The following DYTN variants were observed in gnomAD, a reference collection of about 807,000 sequenced individuals.
DYTN encodes dystrotelin.
Under a neutral mutation model 69.6 loss-of-function variants are expected in DYTN, and 75 were observed. That is an observed-to-expected ratio of 1.08 (90% confidence interval 0.89 to 1.31). The LOEUF (loss-of-function observed/expected upper bound fraction) is 1.31. DYTN is among the 50% of genes most tolerant of loss of function. DYTN has a pLI of 0.00. For synonymous variants in DYTN, 252 were observed against 249.1 expected (o/e 1.01, Z -0.11); for missense variants, 726 against 688.4 (o/e 1.05, Z -0.61).
chr2:206,666,860 TACACACACACACACACACAC>T (rs35200393), intron 9 of DYTN, among the ~76,000 whole-genome samples: 15 of 137,458 alleles, frequency 1.1e-4, no homozygotes, highest in Non-Finnish European at 1.6e-4. Flanking sequence ...ACCTCATCTC[TACACACACACACACACACAC>T]ACACACACAC....
chr2:206,673,582 A>G (rs1219528363), intron 9 of DYTN, among the ~76,000 whole-genome samples: 1 of 152,098 alleles, frequency 6.6e-6, no homozygotes, highest in Non-Finnish European at 1.5e-5. Flanking sequence ...AAAATAACCT[A>G]AGATCTTATG....
chr2:206,695,042 T>G (rs1391421071), intron 7 of DYTN, among the ~76,000 whole-genome samples, 165 bp from the exon 8 acceptor site: 2 of 152,200 alleles, frequency 1.3e-5, no homozygotes, highest in African/African-American at 4.8e-5. Context: ...TAAATGACTC[T>G]AATGCGTTTG....
At position 206,682,399 on chromosome 2, in the gene DYTN, AG is replaced by A. The variant is rs555059631; in HGVS notation, c.980+10775del. On this transcript the variant is annotated intron_variant, in intron 9 of 11. Transcript: ENST00000452335. ...ATTTGACCTAGCAGCAGCATTTGAC[AG>A]TAGAACACCATGCTGTGTCCTTGAA... Among the ~76,000 whole-genome samples, 348 of 152,298 alleles carry A rather than the reference AG, an allele frequency of 2.3e-3. 1 individual carries two copies. Among genetic ancestry groups the A allele is most frequent in the Non-Finnish European group, 3.7e-3 (253 of 68,022 alleles).
intron 9 of DYTN, 81 bp from the exon 10 acceptor site, chr2:206,666,110 G>A (rs1379559739): frequency 4.6e-5 from 69 of 1,500,196 alleles, no homozygotes; most frequent in Non-Finnish European, 6.1e-5. Context: ...ATGTATTCCG[G>A]TCCTTTTTGT....
chr2:206,661,192 T>C lies in DYTN; in HGVS notation c.1633+1711A>G, dbSNP rs566269597. Among the ~76,000 whole-genome samples the C allele has an allele frequency of 5.3e-5, 8 of 152,350 alleles. No individual in the cohort carries two copies. In the South Asian group the frequency reaches 6.2e-4, roughly 12 times the overall value. ...AACCAACACTGCTGACACCCTGATCTTGGACTTCTGGCCTCCAGGACTGTG... is the reference window on the plus strand; with the variant it reads ...AACCAACACTGCTGACACCCTGATCCTGGACTTCTGGCCTCCAGGACTGTG... On this transcript the variant is annotated intron_variant, in intron 11 of 11. Transcript: ENST00000452335.
At chr2:206,700,722 T>G (rs1007832328) in intron 5 of DYTN, among the ~76,000 whole-genome samples, 1 of 152,160 alleles carries the variant, frequency 6.6e-6, no homozygotes, top group African/African-American at 2.4e-5. Flanking sequence ...TTTTAAGCCC[T>G]GCGTGCATTA....
At chr2:206,702,552 G>A (rs138515550) in intron 5 of DYTN, among the ~76,000 whole-genome samples, 138 of 152,312 alleles carry the variant, frequency 9.1e-4, no homozygotes, top group African/African-American at 3.3e-3. Context: ...ATGTTATTTA[G>A]CCTTTGTCTG....
In DYTN at chr2:206,700,180, G is replaced by GGCACAGA. The variant is rs755596218; in HGVS notation, c.513_519dup (p.Pro174SerfsTer32). 2.5e-5 allele frequency: 40 copies of GGCACAGA among 1,613,758 alleles called. No homozygotes were observed. Among genetic ancestry groups the GGCACAGA allele is most frequent in the Non-Finnish European group, 3.0e-5 (35 of 1,179,840 alleles). Reference sequence around the variant, plus strand: ...CAGCTGCGGGTGGCACTTTCCACAGGGCACAGAGCACGACTCTCTCCCACG... The same window carrying GGCACAGA: ...CAGCTGCGGGTGGCACTTTCCACAGGGCACAGAGCACAGAGCACGACTCTCTCCCACG... On this transcript the variant is annotated frameshift_variant, in exon 6 of 12. Transcript: ENST00000452335. LOFTEE classifies it high-confidence loss of function.
rs371211980 is a variant in DYTN, at chr2:206,704,861, T to C, written c.465A>G (p.Leu155=). ...AATTTACCTGCTGTAGATCTGTTAG[T>C]AGTTTTCTCAAAACCCTTCGAGTCA... ...PRMTRRVLRK[L]LTDLQQIPTF... The change falls in exon 5 of 12, where the codon CTA becomes CTG. Residue 155 remains leucine, a synonymous_variant. Coordinates refer to ENST00000452335, the MANE Select transcript of DYTN (RefSeq NM_001093730.1). 5 of 1,613,606 alleles carry C rather than the reference T, an allele frequency of 3.1e-6. No homozygotes were observed. The highest frequency in any genetic ancestry group is 2.2e-5 in the East Asian group (1 of 44,868).
At chr2:206,672,053 A>G (rs1405294536) in intron 9 of DYTN, among the ~76,000 whole-genome samples, 1 of 152,162 alleles carries the variant, frequency 6.6e-6, no homozygotes, top group African/African-American at 2.4e-5. Context: ...ATACACACAC[A>G]CTCACACACT....
At chr2:206,696,955 G>A (rs527470713) in intron 7 of DYTN, among the ~76,000 whole-genome samples, 2 of 152,210 alleles carry the variant, frequency 1.3e-5, no homozygotes, top group Non-Finnish European at 2.9e-5. Context: ...GAAAAATGGA[G>A]CTAGTAAACC....
At position 206,705,864 on chromosome 2, in the gene DYTN, T is replaced by C; in HGVS notation, c.306A>G (p.Thr102=). ...CCGCAGGCATAAGCTGGAGAAAACC[T>C]GTTCCTTTGCTGCACAGTAACAAAA... ...LLTTMYNSKG[T]GFLQLMPAAA... The change falls in exon 4 of 12, where the codon ACA becomes ACG. Residue 102 remains threonine, a synonymous_variant. Transcript: ENST00000452335. The C allele has an allele frequency of 6.2e-7, 1 of 1,613,836 alleles. No individual in the cohort carries two copies. The highest frequency in any genetic ancestry group is 8.5e-7 in the Non-Finnish European group (1 of 1,179,822).
intron 9 of DYTN, among the ~76,000 whole-genome samples, chr2:206,678,119 C>T (rs1699710141): frequency 6.6e-6 from 1 of 152,126 alleles, no homozygotes; most frequent in Non-Finnish European, 1.5e-5. Context: ...AGTTTAAATA[C>T]ATTGGTAAAT....
chr2:206,718,237 C>A (rs778011404), intron 1 of DYTN, 24 bp downstream of exon 1: 1 of 1,586,472 alleles, frequency 6.3e-7, no homozygotes, highest in South Asian at 1.2e-5. Flanking sequence ...AAACTATGCT[C>A]AGAAACTTGA....
chr2:206,666,158 T>G (rs567008188), intron 9 of DYTN, 129 bp from the exon 10 acceptor site: 44 of 1,287,258 alleles, frequency 3.4e-5, no homozygotes, highest in Non-Finnish European at 4.5e-5. Context: ...CTCAACTGTG[T>G]TTTTTGTTGA....
intron 1 of DYTN, among the ~76,000 whole-genome samples, chr2:206,716,932 A>G (rs576636627): frequency 6.6e-6 from 1 of 152,222 alleles, no homozygotes; most frequent in African/African-American, 2.4e-5. Context: ...GCAGCATAAC[A>G]CGGCAAGCTG....
intron 1 of DYTN, among the ~76,000 whole-genome samples, chr2:206,715,632 A>G (rs1700121295): frequency 6.6e-6 from 1 of 152,224 alleles, no homozygotes; most frequent in Non-Finnish European, 1.5e-5. Context: ...CTGTAAAATC[A>G]ATTCCCAAAG....
intron 9 of DYTN, among the ~76,000 whole-genome samples, chr2:206,679,511 C>T (rs770115431): frequency 4.6e-5 from 7 of 152,140 alleles, no homozygotes; most frequent in Non-Finnish European, 7.4e-5. Flanking sequence ...GTGTTTATCA[C>T]GTCAAATCTG....
Position 206,705,891 on chromosome 2 carries a change from A to G in DYTN, c.297-18T>C, listed in dbSNP as rs1259888124. On this transcript the variant is annotated intron_variant, in intron 3 of 11. Coordinates refer to ENST00000452335, the MANE Select transcript of DYTN (RefSeq NM_001093730.1). The stretch of plus-strand genomic sequence containing the variant: ...TTCCTTTGCTGCACAGTAACAAAAT[A>G]CAGAGACAAGAATGGGAAGGCCAGG... 4 of 1,612,620 alleles carry G rather than the reference A, an allele frequency of 2.5e-6. No individual in the cohort carries two copies. Among genetic ancestry groups the G allele is most frequent in the Non-Finnish European group, 3.4e-6 (4 of 1,179,230 alleles).
Sources: allele counts gnomAD v4.1 joint callset (sites outside exome capture counted in the v4.1 genomes callset), GRCh38; gene constraint gnomAD v4.1.1; transcripts MANE v1.5; gene names NCBI Gene and HGNC (gene_info 2026-07-23, HGNC 2026-07-21).